FAM193A: variants seen among roughly 807,000 people sequenced by gnomAD.
The protein encoded by FAM193A is family with sequence similarity 193 member A.
In FAM193A, 22 loss-of-function variants were observed where a neutral mutation model predicts 126.5. The ratio of observed to expected loss-of-function variants is 0.17; its 90% CI spans 0.12 to 0.25. The LOEUF (loss-of-function observed/expected upper bound fraction) is 0.25, where lower values mean the gene tolerates loss of function less well. Ranked by LOEUF, FAM193A falls within the 10% of genes least tolerant of loss-of-function variation. The pLI is 1.00. For missense variants in FAM193A, 1,675 were observed against 1,672.8 expected (o/e 1.00, Z -0.02); for synonymous variants, 761 against 646.8 (o/e 1.18, Z -2.68).
chr4:2,689,955 C>G (rs1433212518), intron 14 of FAM193A, among the ~76,000 whole-genome samples: 1 of 152,226 alleles, frequency 6.6e-6, no homozygotes, highest in Non-Finnish European at 1.5e-5. Context: ...CCCGGTGAGC[C>G]ACATGGGCGT....
At chr4:2,668,116 G>A (rs992543148) in intron 12 of FAM193A, among the ~76,000 whole-genome samples, 3 of 151,570 alleles carry the variant, frequency 2.0e-5, no homozygotes, top group Non-Finnish European at 2.9e-5. Context: ...TGTTGCCCAA[G>A]TTTGTCTCAA....
intron 12 of FAM193A, among the ~76,000 whole-genome samples, chr4:2,664,751 G>T (rs962192878): frequency 6.6e-6 from 1 of 151,790 alleles, no homozygotes; most frequent in Admixed American, 6.6e-5. Context: ...TTTTAGTAGA[G>T]ACGGGGTTTC....
chr4:2,604,327 G>A (rs894779665), intron 2 of FAM193A, among the ~76,000 whole-genome samples: 1 of 152,046 alleles, frequency 6.6e-6, no homozygotes, highest in African/African-American at 2.4e-5. Flanking sequence ...GGGTTTAGGT[G>A]GAAGGCTCAG....
intron 13 of FAM193A, among the ~76,000 whole-genome samples, chr4:2,676,809 C>T (rs868275168): frequency 1.3e-5 from 2 of 152,118 alleles, no homozygotes; most frequent in East Asian, 1.9e-4. Flanking sequence ...GGTGTGGTGG[C>T]GGGCACCTGT....
At chr4:2,686,031 A>G (rs1264195644) in intron 13 of FAM193A, among the ~76,000 whole-genome samples, 7 of 152,202 alleles carry the variant, frequency 4.6e-5, no homozygotes, top group Non-Finnish European at 1.0e-4. Context: ...GTTACTTTAC[A>G]GTTATATCAT....
At chr4:2,569,752 G>A (rs967756521) in intron 1 of FAM193A, among the ~76,000 whole-genome samples, 3 of 151,836 alleles carry the variant, frequency 2.0e-5, no homozygotes, top group Non-Finnish European at 4.4e-5. Flanking sequence ...TGATCCTCCT[G>A]CCTCGGCCTC....
In FAM193A at chr4:2,603,840, A is replaced by AATT. The variant is rs571310033; in HGVS notation, c.501+7527_501+7529dup. Among the ~76,000 whole-genome samples the AATT allele has an allele frequency of 1.7e-4, 25 of 150,074 alleles. No homozygotes were observed. The East Asian group carries it at 4.2e-3, about 25-fold the overall frequency. ...TAAGTATCCAAACACATATCTCTTG[A>AATT]ATTATTATTATTATTATTTTGAGAC... On this transcript the variant is annotated intron_variant, in intron 2 of 20. Transcript: ENST00000637812.
At chr4:2,672,056 A>T (rs1713857483) in intron 12 of FAM193A, 65 bp from the exon 13 acceptor site, 1 of 1,559,548 alleles carries the variant, frequency 6.4e-7, no homozygotes. Context: ...GCAGAATGTG[A>T]CTGACTTTAA....
At chr4:2,628,105 T>A (rs1743162811) in intron 4 of FAM193A, among the ~76,000 whole-genome samples, 1 of 151,928 alleles carries the variant, frequency 6.6e-6, no homozygotes, top group Non-Finnish European at 1.5e-5. Flanking sequence ...AGGCTGGCCT[T>A]GAACTCCTGA....
At chr4:2,693,022 G>C (rs755325400) in intron 15 of FAM193A, among the ~76,000 whole-genome samples, 2 of 152,022 alleles carry the variant, frequency 1.3e-5, no homozygotes, top group Non-Finnish European at 2.9e-5. Flanking sequence ...GGACAACATA[G>C]TGAGACACTG....
intron 2 of FAM193A, among the ~76,000 whole-genome samples, chr4:2,602,484 G>C (rs895259195): frequency 2.0e-5 from 3 of 151,022 alleles, no homozygotes; most frequent in African/African-American, 7.3e-5. Flanking sequence ...CCTCTGAGTA[G>C]CTGGGATTAC....
At chr4:2,536,560 G>T (rs1736880695), upstream of FAM193A, 1 of 140,554 alleles carries the variant, frequency 7.1e-6, no homozygotes, top group Non-Finnish European at 1.6e-5. Context: ...CCGGGGGGCG[G>T]AGTAAGGCGG....
intron 20 of FAM193A, among the ~76,000 whole-genome samples, chr4:2,727,707 A>T: frequency 1.3e-5 from 2 of 152,156 alleles, no homozygotes; most frequent in South Asian, 4.1e-4. Context: ...GGCTCTCTCT[A>T]CCTCTCCTTT....
intron 1 of FAM193A, among the ~76,000 whole-genome samples, chr4:2,568,014 C>T (rs187853670): frequency 3.3e-5 from 5 of 152,164 alleles, no homozygotes; most frequent in African/African-American, 7.2e-5. Context: ...TACTACTTCT[C>T]GTCTCCATTT....
chr4:2,669,826 C>T (rs986449090), intron 12 of FAM193A, among the ~76,000 whole-genome samples: 1 of 152,168 alleles, frequency 6.6e-6, no homozygotes, highest in African/African-American at 2.4e-5. Context: ...GCCTGGCTTT[C>T]TCAAGAAGGT....
At chr4:2,726,673 G>A (rs1018266699) in intron 20 of FAM193A, among the ~76,000 whole-genome samples, 6 of 149,440 alleles carry the variant, frequency 4.0e-5, no homozygotes, top group African/African-American at 1.5e-4. Context: ...GCTCATGCCT[G>A]TAATCCCAAT....
At chr4:2,692,923 C>T (rs768496671) in intron 15 of FAM193A, among the ~76,000 whole-genome samples, 6 of 152,072 alleles carry the variant, frequency 3.9e-5, no homozygotes, top group Non-Finnish European at 7.4e-5. Context: ...AAGTAAAAAG[C>T]TCGGTACAGT....
At chr4:2,573,716 A>G (rs965503843) in intron 1 of FAM193A, among the ~76,000 whole-genome samples, 5 of 152,100 alleles carry the variant, frequency 3.3e-5, no homozygotes, top group African/African-American at 4.8e-5. Context: ...TAGACTCCCT[A>G]CTGCCTGGAG....
chr4:2,684,641 A>G (rs148397500), intron 13 of FAM193A, among the ~76,000 whole-genome samples: 1 of 152,270 alleles, frequency 6.6e-6, no homozygotes, highest in East Asian at 1.9e-4. Flanking sequence ...GCGTCTGCTG[A>G]TGCGAGAGCT....
Sources: gnomAD v4.1 joint callset for allele counts (sites outside exome capture counted in the v4.1 genomes callset) on GRCh38, gnomAD v4.1.1 for gene constraint, MANE v1.5 for transcripts, NCBI Gene and HGNC (gene_info 2026-07-23, HGNC 2026-07-21) for gene names.